NEGR1: variants seen among roughly 807,000 people sequenced by gnomAD.
The protein encoded by NEGR1 is IgLON family member 4.
NEGR1 carries 10 observed loss-of-function variants against 40.9 expected under a neutral mutation model. That is an observed-to-expected ratio of 0.24 (90% CI 0.15 to 0.42). NEGR1 has a LOEUF of 0.42. Among genes scored for constraint, NEGR1 ranks in the 10% least tolerant of loss-of-function variants. NEGR1 has a pLI of 1.00. For synonymous variants in NEGR1, 185 were observed against 166.8 expected, an observed-to-expected ratio of 1.11 and a Z score of -0.84; for missense variants, 352 against 438.9, an observed-to-expected ratio of 0.80 and a Z score of 1.77.
intron 2 of NEGR1, among the ~76,000 whole-genome samples, chr1:71,864,302 A>C (rs998014506): frequency 6.6e-6 from 1 of 152,258 alleles, no homozygotes. Flanking sequence ...TGAACCCTGT[A>C]AGGAAGGTTT....
intron 3 of NEGR1, among the ~76,000 whole-genome samples, chr1:71,723,046 G>A (rs1018675893): frequency 6.6e-6 from 1 of 151,476 alleles, no homozygotes; most frequent in Admixed American, 6.6e-5. Flanking sequence ...AAAAACTGCT[G>A]TAATTTTTAT....
At chr1:71,794,699 T>C (rs1388401313) in intron 2 of NEGR1, among the ~76,000 whole-genome samples, 1 of 152,040 alleles carries the variant, frequency 6.6e-6, no homozygotes, top group African/African-American at 2.4e-5. Flanking sequence ...GAGTAAGATG[T>C]AAAACACAAG....
In NEGR1 at chr1:72,033,058, T is replaced by G. The variant is rs1646873103; in HGVS notation, c.177-97747A>C. Among the ~76,000 whole-genome samples the G allele has an allele frequency of 2.0e-5, 3 of 152,122 alleles. No homozygotes were observed. The South Asian group carries it at 6.2e-4, about 31-fold the overall frequency. On this transcript the variant is annotated intron_variant, in intron 1 of 6. Coordinates refer to ENST00000357731, the MANE Select transcript of NEGR1 (RefSeq NM_173808.3). Reference sequence around the variant, plus strand: ...TTAAAAAAACTGTACAAAGTTTCAGTAATTAAATTGTTACTCACAGAATCA... The same window carrying G: ...TTAAAAAAACTGTACAAAGTTTCAGGAATTAAATTGTTACTCACAGAATCA...
intron 1 of NEGR1, among the ~76,000 whole-genome samples, chr1:72,195,751 T>C (rs1652977882): frequency 6.6e-6 from 1 of 151,970 alleles, no homozygotes; most frequent in Admixed American, 6.6e-5. Flanking sequence ...GATTTAGGAA[T>C]GATTGATACC....
intron 1 of NEGR1, among the ~76,000 whole-genome samples, chr1:72,148,335 A>G (rs1225724320): frequency 6.6e-6 from 1 of 152,080 alleles, no homozygotes; most frequent in African/African-American, 2.4e-5. Flanking sequence ...CTCTGAAGCA[A>G]CAGCCTGAGC....
chr1:71,782,072 G>A (rs1656737044), intron 2 of NEGR1, among the ~76,000 whole-genome samples: 1 of 152,154 alleles, frequency 6.6e-6, no homozygotes, highest in Non-Finnish European at 1.5e-5. Flanking sequence ...GGTCTGCACT[G>A]TGGACAATGT....
intron 1 of NEGR1, among the ~76,000 whole-genome samples, chr1:72,053,178 T>G (rs1410616548): frequency 6.6e-6 from 1 of 151,366 alleles, no homozygotes; most frequent in African/African-American, 2.4e-5. Flanking sequence ...GTTTCAGGAA[T>G]GAATAAATGC....
intron 6 of NEGR1, among the ~76,000 whole-genome samples, chr1:71,569,908 T>A: frequency 6.6e-6 from 1 of 152,198 alleles, no homozygotes; most frequent in East Asian, 1.9e-4. Flanking sequence ...CCTTTGTGAC[T>A]GAAGCACTGG....
At chr1:72,025,912 T>C (rs370560944) in intron 1 of NEGR1, among the ~76,000 whole-genome samples, 18 of 151,030 alleles carry the variant, frequency 1.2e-4, no homozygotes, top group Admixed American at 2.0e-4. Context: ...GAGATCGAGA[T>C]CATCCCGGCT....
At chr1:71,929,733 T>C (rs995961332) in intron 2 of NEGR1, among the ~76,000 whole-genome samples, 2 of 87,564 alleles carry the variant, frequency 2.3e-5, no homozygotes, top group Non-Finnish European at 4.6e-5. Context: ...ACCATTACTG[T>C]TTTTTTTTTT....
intron 2 of NEGR1, among the ~76,000 whole-genome samples, chr1:71,789,481 A>G (rs1204685820): frequency 6.6e-6 from 1 of 152,138 alleles, no homozygotes; most frequent in Non-Finnish European, 1.5e-5. Flanking sequence ...TCCAAGGAAC[A>G]GAAATACTTT....
chr1:72,203,267 T>A (rs1399834009), intron 1 of NEGR1, among the ~76,000 whole-genome samples: 1 of 152,082 alleles, frequency 6.6e-6, no homozygotes, highest in Non-Finnish European at 1.5e-5. Flanking sequence ...CATTTGTAAT[T>A]CATTGGGGGA....
chr1:71,469,007 C>A (rs1646765559), intron 6 of NEGR1, among the ~76,000 whole-genome samples: 1 of 151,934 alleles, frequency 6.6e-6, no homozygotes, highest in South Asian at 2.1e-4. Context: ...TGCCGCTAAC[C>A]TGAAGAGGTG....
chr1:71,711,281 C>T (rs1333479348), intron 3 of NEGR1, among the ~76,000 whole-genome samples: 1 of 130,608 alleles, frequency 7.7e-6, no homozygotes, highest in African/African-American at 2.8e-5. Context: ...GGGGGCGGAG[C>T]TTGCAGTGAG....
chr1:72,279,266 C>T (rs1656164861), intron 1 of NEGR1, among the ~76,000 whole-genome samples: 1 of 152,032 alleles, frequency 6.6e-6, no homozygotes, highest in Non-Finnish European at 1.5e-5. Flanking sequence ...TTTTCATGAT[C>T]CTCTTCTCAA....
intron 6 of NEGR1, among the ~76,000 whole-genome samples, chr1:71,575,168 C>T (rs111820587): frequency 0.011 from 1,688 of 152,286 alleles, 24 homozygotes; most frequent in African/African-American, 0.038. Context: ...AAGGGAGGAG[C>T]TCATACACCC....
intron 1 of NEGR1, among the ~76,000 whole-genome samples, chr1:72,231,906 G>A (rs990054644): frequency 2.0e-5 from 3 of 152,002 alleles, no homozygotes; most frequent in Non-Finnish European, 4.4e-5. Context: ...CAGAAAATTC[G>A]CCAATATACA....
intron 6 of NEGR1, among the ~76,000 whole-genome samples, chr1:71,543,238 C>T (rs920769522): frequency 2.6e-5 from 4 of 151,618 alleles, no homozygotes; most frequent in African/African-American, 9.7e-5. Flanking sequence ...ATTCTTACAT[C>T]ATGTGCTTGT....
chr1:72,100,762 G>C (rs560053513), intron 1 of NEGR1: 6 of 152,196 alleles, frequency 3.9e-5, no homozygotes, highest in African/African-American at 1.4e-4. Context: ...AGTTTGCTCG[G>C]GCTTCCATAA....
Sources: allele counts gnomAD v4.1 joint callset (sites outside exome capture counted in the v4.1 genomes callset), GRCh38; gene constraint gnomAD v4.1.1; transcripts MANE v1.5; gene names NCBI Gene and HGNC (gene_info 2026-07-23, HGNC 2026-07-21).